Variants in CRYL1 observed in about 807,000 individuals in gnomAD.
CRYL1 encodes the protein lambda-crystallin homolog.
Under a neutral mutation model 36.6 loss-of-function variants are expected in CRYL1, and 29 were observed. That is an observed-to-expected ratio of 0.79 (90% CI 0.59 to 1.08). The LOEUF (loss-of-function observed/expected upper bound fraction) is 1.08, where lower values mean the gene tolerates loss of function less well. CRYL1 is among the 50% of genes least tolerant of loss of function. The pLI, the probability that CRYL1 is intolerant of heterozygous loss-of-function variation, is 0.00. For synonymous variants in CRYL1, 152 were observed against 151.5 expected, an observed-to-expected ratio of 1.00 and a Z score of -0.02; for missense variants, 411 against 407.9, an observed-to-expected ratio of 1.01 and a Z score of -0.06.
chr13:20,407,339 T>C (rs1171740697), intron 6 of CRYL1, among the ~76,000 whole-genome samples: 1 of 151,938 alleles, frequency 6.6e-6, no homozygotes, highest in African/African-American at 2.4e-5. Flanking sequence ...CTCAGTGACT[T>C]AGACTCACGA....
chr13:20,407,128 G>A (rs373097008), intron 6 of CRYL1, among the ~76,000 whole-genome samples: 1 of 150,610 alleles, frequency 6.6e-6, no homozygotes, highest in Middle Eastern at 3.4e-3. Flanking sequence ...TATCATGCTG[G>A]AATTCATAAT....
At chr13:20,511,426 C>T (rs2033916570) in intron 2 of CRYL1, among the ~76,000 whole-genome samples, 1 of 152,018 alleles carries the variant, frequency 6.6e-6, no homozygotes, top group Admixed American at 6.6e-5. Flanking sequence ...ATTTTACCCT[C>T]GCATTGACTA....
At chr13:20,473,665 G>A (rs2033105572) in intron 3 of CRYL1, among the ~76,000 whole-genome samples, 1 of 152,232 alleles carries the variant, frequency 6.6e-6, no homozygotes. Flanking sequence ...AACGTAGAAG[G>A]AGCCCGTTGG....
At chr13:20,463,688 A>G (rs1262954249) in intron 3 of CRYL1, among the ~76,000 whole-genome samples, 1 of 152,236 alleles carries the variant, frequency 6.6e-6, no homozygotes, top group East Asian at 1.9e-4. Flanking sequence ...AATTGAAACC[A>G]TGACCTATCA....
In CRYL1 at chr13:20,512,436, G is replaced by A; in HGVS notation, c.149+7C>T. 1 of 1,603,788 alleles carries A rather than the reference G, an allele frequency of 6.2e-7. No individual in the cohort carries two copies. Among genetic ancestry groups the A allele is most frequent in the South Asian group, 1.1e-5 (1 of 90,594 alleles). Reference sequence around the variant, plus strand: ...CCATTCCTTCTGGAGAGCGCCGGCTGGCCCACCTGATGTTTTCCAGGGCGT... The same window carrying A: ...CCATTCCTTCTGGAGAGCGCCGGCTAGCCCACCTGATGTTTTCCAGGGCGT... On this transcript the variant is annotated splice_region_variant and intron_variant, in intron 2 of 7. Transcript: ENST00000298248.
intron 2 of CRYL1, among the ~76,000 whole-genome samples, chr13:20,490,170 C>CGAG (rs2033481769): frequency 1.3e-5 from 2 of 152,156 alleles, no homozygotes; most frequent in African/African-American, 4.8e-5. Flanking sequence ...GTGGGTGGAT[C>CGAG]ACTTGAGGTC....
chr13:20,467,509 A>C (rs1452994050), intron 3 of CRYL1, among the ~76,000 whole-genome samples: 1 of 152,102 alleles, frequency 6.6e-6, no homozygotes, highest in Non-Finnish European at 1.5e-5. Flanking sequence ...TTTCATTGAA[A>C]ATGCTATGAG....
chr13:20,503,783 G>A (rs780034289), intron 2 of CRYL1, among the ~76,000 whole-genome samples: 1 of 152,172 alleles, frequency 6.6e-6, no homozygotes. Context: ...TCAAAACACA[G>A]TTCAAGATTA....
intron 3 of CRYL1, among the ~76,000 whole-genome samples, chr13:20,453,622 C>G (rs1593454335): frequency 6.6e-6 from 1 of 151,788 alleles, no homozygotes; most frequent in East Asian, 1.9e-4. Flanking sequence ...AAATTAAATA[C>G]AAAGAAAGGA....
At chr13:20,484,980 T>C (rs1471786079) in intron 3 of CRYL1, among the ~76,000 whole-genome samples, 2 of 152,190 alleles carry the variant, frequency 1.3e-5, no homozygotes, top group Non-Finnish European at 2.9e-5. Flanking sequence ...CTTGTTTGTT[T>C]GGTAAACCTG....
rs185302382 is a variant in CRYL1 at position 20,441,908 on chromosome 13, C to T, written c.277-2154G>A. On this transcript the variant is annotated intron_variant, in intron 3 of 7. Coordinates refer to ENST00000298248, the MANE Select transcript of CRYL1 (RefSeq NM_015974.3). Reference sequence around the variant, plus strand: ...ATCTTTTTAAAGAAACAAAAGTTCGCATGAGCACCACATCTCAAAGACAGA... The same window carrying T: ...ATCTTTTTAAAGAAACAAAAGTTCGTATGAGCACCACATCTCAAAGACAGA... Among the ~76,000 whole-genome samples the T allele has an allele frequency of 1.2e-3, 186 of 151,960 alleles. 2 individuals carry two copies. Among genetic ancestry groups the T allele is most frequent in the African/African-American group, 4.0e-3 (167 of 41,450 alleles).
At chr13:20,505,359 CAAAAAAA>C (rs61380702) in intron 2 of CRYL1, among the ~76,000 whole-genome samples, 16 of 91,218 alleles carry the variant, frequency 1.8e-4, no homozygotes, top group Non-Finnish European at 1.6e-4. Context: ...TCTATCCCAC[CAAAAAAA>C]AAAAAAAAAA....
chr13:20,420,571 A>C (rs2031776712), intron 5 of CRYL1, among the ~76,000 whole-genome samples: 1 of 152,114 alleles, frequency 6.6e-6, no homozygotes, highest in South Asian at 2.1e-4. Flanking sequence ...GCCATTAAGA[A>C]TGAATAAAAA....
rs1190721479 is a variant in CRYL1 at position 20,435,214 on chromosome 13, TTTG to T, written c.439-2921_439-2919del. On this transcript the variant is annotated intron_variant, in intron 4 of 7. Transcript: ENST00000298248. The surrounding 1 kb of genome is among the most constrained non-coding windows in gnomAD (Gnocchi z 4.0). ...CTTACAAATAGTTAAGACGGTAGAT[TTTG>T]TTATGTATATTTTACCACAATTATA... Among the ~76,000 whole-genome samples, 2 of 152,174 alleles carry T rather than the reference TTTG, an allele frequency of 1.3e-5. No homozygotes were observed. The highest frequency in any genetic ancestry group is 6.5e-5 in the Admixed American group (1 of 15,282).
intron 2 of CRYL1, among the ~76,000 whole-genome samples, chr13:20,495,910 G>A (rs1848468433): frequency 6.6e-6 from 1 of 152,152 alleles, no homozygotes; most frequent in Non-Finnish European, 1.5e-5. Flanking sequence ...CGATTCTCCT[G>A]CCTCAGCTTC....
intron 4 of CRYL1, chr13:20,433,821 C>T (rs945846096): frequency 1.9e-5 from 3 of 154,402 alleles, no homozygotes; most frequent in African/African-American, 7.2e-5. Flanking sequence ...CTATGTACAA[C>T]TCACCAGTTC....
intron 5 of CRYL1, among the ~76,000 whole-genome samples, chr13:20,427,834 G>T (rs1455044491): frequency 6.6e-6 from 1 of 150,866 alleles, no homozygotes; most frequent in East Asian, 1.9e-4. Context: ...GGAAACCAGG[G>T]ATATCACTAC....
intron 4 of CRYL1, chr13:20,433,762 G>A (rs1469050695): frequency 6.5e-6 from 1 of 154,376 alleles, no homozygotes; most frequent in African/African-American, 2.4e-5. Flanking sequence ...AACATTGTAA[G>A]CCTCACTGGT....
chr13:20,525,233 C>A lies in CRYL1; in HGVS notation c.41+521G>T, dbSNP rs61955539. Among the ~76,000 whole-genome samples, 36,847 of 152,094 alleles carry A rather than the reference C, an allele frequency of 0.24. 4,869 individuals carry two copies. The highest frequency in any genetic ancestry group is 0.38 in the East Asian group (1,954 of 5,150). On this transcript the variant is annotated intron_variant, in intron 1 of 7. Coordinates refer to ENST00000298248, the MANE Select transcript of CRYL1 (RefSeq NM_015974.3). This position sits in a 1 kb window ranked among gnomAD's most constrained non-coding sequence, Gnocchi z 4.3. ...CACCTGCTGCGGCCTCCAGCGACAT[C>A]GTCGCCGACAGGACTGCGCTGGCAC...
Sources: gnomAD v4.1 joint callset for allele counts (sites outside exome capture counted in the v4.1 genomes callset) on GRCh38, gnomAD v4.1.1 for gene constraint, Gnocchi (gnomAD v3.1) non-coding constraint, MANE v1.5 for transcripts, NCBI Gene and HGNC (gene_info 2026-07-23, HGNC 2026-07-21) for gene names.